The following CTNNA2 variants were observed in gnomAD, a reference collection of about 807,000 sequenced individuals.
CTNNA2 encodes catenin alpha-2.
Under a neutral mutation model 101.0 loss-of-function variants are expected in CTNNA2, and 42 were observed. The ratio of observed to expected loss-of-function variants is 0.42; its 90% CI spans 0.32 to 0.54. The LOEUF (loss-of-function observed/expected upper bound fraction) is 0.54. Ranked by LOEUF, CTNNA2 falls within the 20% of genes least tolerant of loss-of-function variation. The probability of loss-of-function intolerance (pLI) is 0.14; values close to 1 mark genes in which losing one functional copy is unlikely to be tolerated. For missense variants in CTNNA2, 871 were observed against 1,223.1 expected (o/e 0.71, Z 4.29); for synonymous variants, 450 against 456.4 (o/e 0.99, Z 0.18).
intron 4 of CTNNA2, among the ~76,000 whole-genome samples, chr2:79,423,270 A>G (rs1424500361): frequency 6.6e-6 from 1 of 152,166 alleles, no homozygotes; most frequent in Non-Finnish European, 1.5e-5. Context: ...CCTTCCATCC[A>G]TCCCCACCAA....
intron 2 of CTNNA2, among the ~76,000 whole-genome samples, chr2:79,208,210 A>T (rs952188245): frequency 6.6e-6 from 1 of 152,160 alleles, no homozygotes; most frequent in African/African-American, 2.4e-5. Context: ...CCTGGGTAAG[A>T]TCATTTCCTT....
chr2:80,143,666 C>T (rs1334802797), intron 7 of CTNNA2, among the ~76,000 whole-genome samples: 1 of 152,080 alleles, frequency 6.6e-6, no homozygotes, highest in Admixed American at 6.6e-5. Context: ...CCTACATTCT[C>T]CTTTCAAAAA....
At chr2:79,404,012 T>C (rs1165779566) in intron 4 of CTNNA2, among the ~76,000 whole-genome samples, 1 of 151,674 alleles carries the variant, frequency 6.6e-6, no homozygotes, top group Admixed American at 6.6e-5. Flanking sequence ...AGGTCTGTTA[T>C]TTTGAGCTAG....
intron 7 of CTNNA2, among the ~76,000 whole-genome samples, chr2:79,942,068 A>G (rs1688200858): frequency 1.3e-5 from 2 of 152,354 alleles, no homozygotes; most frequent in Middle Eastern, 3.4e-3. Context: ...AGCTCCAGGC[A>G]TAAGTGCTTT....
At position 80,527,684 on chromosome 2, in the gene CTNNA2, T is replaced by A. The variant is rs1028249966; in HGVS notation, c.1291-17298T>A. On this transcript the variant is annotated intron_variant, in intron 9 of 18. Coordinates refer to ENST00000402739, the MANE Select transcript of CTNNA2 (RefSeq NM_001282597.3). ...GGGAGTCATTGGGAGAGAGAGGACA[T>A]CTCTGAGGCCTCTCCCTGGTTGGCC... 3.4e-4 allele frequency among the ~76,000 whole-genome samples: 51 copies of A among 152,164 alleles called. 1 individual carries two copies. Among genetic ancestry groups the A allele is most frequent in the Non-Finnish European group, 6.5e-4 (44 of 68,012 alleles).
At chr2:80,072,294 A>G (rs1698397866) in intron 7 of CTNNA2, among the ~76,000 whole-genome samples, 1 of 151,626 alleles carries the variant, frequency 6.6e-6, no homozygotes, top group Admixed American at 6.6e-5. Context: ...AATGTCACCT[A>G]CCTTTTCTCC....
intron 17 of CTNNA2, among the ~76,000 whole-genome samples, chr2:80,610,517 T>G (rs1390618683): frequency 6.6e-6 from 1 of 151,690 alleles, no homozygotes; most frequent in Non-Finnish European, 1.5e-5. Flanking sequence ...TTCTTTCTTT[T>G]TTCCCTGTGT....
In CTNNA2 at chr2:80,614,050, A is replaced by G. The variant is rs531072254; in HGVS notation, c.2431-5035A>G. Among the ~76,000 whole-genome samples, 14 of 151,722 alleles carry G rather than the reference A, an allele frequency of 9.2e-5. No homozygotes were observed. The East Asian group carries it at 9.7e-4, about 11-fold the overall frequency. On this transcript the variant is annotated intron_variant, in intron 17 of 18. Coordinates refer to ENST00000402739, the MANE Select transcript of CTNNA2 (RefSeq NM_001282597.3). The stretch of plus-strand genomic sequence containing the variant: ...CAAGTTTTGAGATGCTCTAATTAAA[A>G]GAAGAAAGGTAAATAATTGACAACT...
intron 12 of CTNNA2, among the ~76,000 whole-genome samples, chr2:80,563,780 G>C (rs183019384): frequency 5.2e-4 from 79 of 152,072 alleles, no homozygotes; most frequent in Non-Finnish European, 4.7e-4. Context: ...CCCACTCTTC[G>C]GTGTACCTGT....
chr2:79,597,359 C>T (rs1192622246), intron 1 of CTNNA2, among the ~76,000 whole-genome samples: 3 of 151,780 alleles, frequency 2.0e-5, no homozygotes, highest in Non-Finnish European at 2.9e-5. Flanking sequence ...GTAGTCCCAG[C>T]TACTCCGGAG....
chr2:80,259,042 A>C (rs1245774137), intron 7 of CTNNA2, among the ~76,000 whole-genome samples: 1 of 152,176 alleles, frequency 6.6e-6, no homozygotes, highest in Non-Finnish European at 1.5e-5. Flanking sequence ...GATAGAATTC[A>C]GGGTTTCTGA....
intron 10 of CTNNA2, among the ~76,000 whole-genome samples, chr2:80,545,296 C>T (rs1471639278): frequency 2.6e-5 from 4 of 152,182 alleles, no homozygotes; most frequent in African/African-American, 7.2e-5. Flanking sequence ...CCTATAATCC[C>T]AGTGCTCTGG....
chr2:79,797,513 A>G (rs1199767240), intron 3 of CTNNA2, among the ~76,000 whole-genome samples: 1 of 152,028 alleles, frequency 6.6e-6, no homozygotes, highest in Non-Finnish European at 1.5e-5. Flanking sequence ...ATAAAAAAAT[A>G]GTCAGGTGTG....
intron 8 of CTNNA2, among the ~76,000 whole-genome samples, chr2:80,411,515 G>A (rs1679572240): frequency 6.6e-6 from 1 of 152,102 alleles, no homozygotes; most frequent in African/African-American, 2.4e-5. Context: ...TGGGGAAGAG[G>A]GGAGCTTTCA....
At chr2:79,580,421 A>G (rs1458575957) in intron 1 of CTNNA2, among the ~76,000 whole-genome samples, 2 of 152,280 alleles carry the variant, frequency 1.3e-5, no homozygotes, top group Admixed American at 6.5e-5. Context: ...AGAAAATGCA[A>G]ATAGTCCTAC....
intron 7 of CTNNA2, among the ~76,000 whole-genome samples, chr2:80,157,239 A>G (rs1042685570): frequency 1.3e-5 from 2 of 152,152 alleles, no homozygotes; most frequent in Non-Finnish European, 2.9e-5. Flanking sequence ...TAAAGACTAC[A>G]GTTTCCAAAA....
At chr2:79,320,109 G>C (rs532992341) in intron 3 of CTNNA2, 2 of 152,258 alleles carry the variant, frequency 1.3e-5, no homozygotes, top group East Asian at 3.9e-4. Context: ...AGTCTTGGGA[G>C]CTGAGGGCCA....
At chr2:79,983,694 C>T (rs1204366007) in intron 7 of CTNNA2, among the ~76,000 whole-genome samples, 1 of 152,140 alleles carries the variant, frequency 6.6e-6, no homozygotes, top group Admixed American at 6.5e-5. Flanking sequence ...TCCTGTGTCT[C>T]TCTTGTATTT....
At chr2:79,764,811 G>A (rs73941306) in intron 3 of CTNNA2, among the ~76,000 whole-genome samples, 7 of 152,214 alleles carry the variant, frequency 4.6e-5, no homozygotes, top group Admixed American at 2.0e-4. Flanking sequence ...TAGAATGTGG[G>A]CCCAGGGAGT....
Sources: gnomAD v4.1 joint callset for allele counts (sites outside exome capture counted in the v4.1 genomes callset) on GRCh38, gnomAD v4.1.1 for gene constraint, MANE v1.5 for transcripts, NCBI Gene and HGNC (gene_info 2026-07-23, HGNC 2026-07-21) for gene names.